The following SYT1 variants were observed in gnomAD, a reference collection of about 807,000 sequenced individuals.
The protein encoded by SYT1 is synaptotagmin 1.
A neutral mutation model predicts 44.8 loss-of-function variants in SYT1; 8 were observed. The ratio of observed to expected loss-of-function variants is 0.18; its 90% CI spans 0.10 to 0.32. The LOEUF is 0.32. SYT1 is among the 10% of genes least tolerant of loss of function. The pLI, the probability that SYT1 is intolerant of heterozygous loss-of-function variation, is 1.00. For missense variants in SYT1, 286 were observed against 509.3 expected (o/e 0.56, Z 4.22); for synonymous variants, 154 against 188.8 (o/e 0.82, Z 1.51).
At chr12:78,931,236 AAAGAAGGAAGGAAGG>A (rs1565723462) in intron 1 of SYT1, among the ~76,000 whole-genome samples, 10 of 58,698 alleles carry the variant, frequency 1.7e-4, no homozygotes, top group African/African-American at 6.1e-4. Flanking sequence ...AGAAAGAAAG[AAAGAAGGAAGGAAGG>A]AAGGAAGGAA....
chr12:79,297,437 T>G (rs1879928957), intron 7 of SYT1, among the ~76,000 whole-genome samples: 1 of 152,166 alleles, frequency 6.6e-6, no homozygotes, highest in South Asian at 2.1e-4. Context: ...TAACCTTAAC[T>G]TAGGTCAGCA....
At chr12:79,134,698 C>A (rs564824520) in intron 3 of SYT1, among the ~76,000 whole-genome samples, 1 of 151,962 alleles carries the variant, frequency 6.6e-6, no homozygotes, top group Admixed American at 6.6e-5. Context: ...CTAAGCTTAC[C>A]TCAGACACTA....
At chr12:79,284,469 G>A (rs1879204059) in intron 4 of SYT1, among the ~76,000 whole-genome samples, 1 of 151,990 alleles carries the variant, frequency 6.6e-6, no homozygotes, top group Non-Finnish European at 1.5e-5. Flanking sequence ...GTATTTACTT[G>A]TGTGAGTAGT....
chr12:79,330,249 T>A (rs1480452429), intron 8 of SYT1, among the ~76,000 whole-genome samples: 1 of 152,180 alleles, frequency 6.6e-6, no homozygotes, highest in Non-Finnish European at 1.5e-5. Flanking sequence ...CAGGAAGACA[T>A]GAAAGCAATT....
intron 3 of SYT1, among the ~76,000 whole-genome samples, chr12:79,058,225 A>T (rs2137828341): frequency 6.6e-6 from 1 of 152,192 alleles, no homozygotes; most frequent in Admixed American, 6.6e-5. Flanking sequence ...TATAAGATGG[A>T]TATTTATCGA....
At chr12:78,990,307 T>C (rs1869931763) in intron 2 of SYT1, among the ~76,000 whole-genome samples, 1 of 152,178 alleles carries the variant, frequency 6.6e-6, no homozygotes, top group Admixed American at 6.5e-5. Flanking sequence ...CCTCAAAAAG[T>C]TCATAATTTC....
chr12:78,994,621 C>G (rs1404838905), intron 2 of SYT1, among the ~76,000 whole-genome samples: 1 of 150,392 alleles, frequency 6.6e-6, no homozygotes, highest in African/African-American at 2.4e-5. Context: ...CTGCAACCTC[C>G]ACCCTCTGAG....
intron 9 of SYT1, among the ~76,000 whole-genome samples, chr12:79,369,471 A>AAAAAG (rs1883694366): frequency 6.6e-6 from 1 of 152,226 alleles, no homozygotes; most frequent in Non-Finnish European, 1.5e-5. Context: ...ACTCTGCCTC[A>AAAAAG]AAAAGAAAAG....
chr12:79,408,753 A>T (rs781501755), intron 9 of SYT1, among the ~76,000 whole-genome samples: 39 of 145,284 alleles, frequency 2.7e-4, no homozygotes, highest in Non-Finnish European at 4.1e-4. Flanking sequence ...TCCAAGTAAT[A>T]TGGTCAGAAG....
chr12:79,294,577 A>G lies in SYT1; in HGVS notation c.475-1492A>G, dbSNP rs549832817. On this transcript the variant is annotated intron_variant, in intron 6 of 10. Transcript: ENST00000261205. ...AAAAGTAACCTCATTCTTTATTAAC[A>G]AAATATCCAAAAACTCTAAATTATA... Among the ~76,000 whole-genome samples the G allele has an allele frequency of 9.8e-5, 15 of 152,290 alleles. 1 individual carries two copies. Among genetic ancestry groups the G allele is most frequent in the African/African-American group, 3.4e-4 (14 of 41,578 alleles).
At chr12:79,284,097 C>CT (rs11315632) in intron 4 of SYT1, among the ~76,000 whole-genome samples, 70 of 149,406 alleles carry the variant, frequency 4.7e-4, no homozygotes, top group African/African-American at 9.3e-4. Flanking sequence ...TGCCCAGTAT[C>CT]TTTTTTTTTT....
chr12:78,942,012 T>C (rs1878403336), intron 1 of SYT1, among the ~76,000 whole-genome samples: 1 of 152,212 alleles, frequency 6.6e-6, no homozygotes. Flanking sequence ...TGGCTTACTA[T>C]TTTCCTTTTG....
At chr12:79,369,318 C>A (rs1883687740) in intron 9 of SYT1, among the ~76,000 whole-genome samples, 1 of 151,924 alleles carries the variant, frequency 6.6e-6, no homozygotes, top group Non-Finnish European at 1.5e-5. Context: ...CCTGTCTCTA[C>A]AAAAATTATT....
chr12:79,359,640 G>T (rs1204243197), intron 9 of SYT1, among the ~76,000 whole-genome samples: 2 of 152,060 alleles, frequency 1.3e-5, no homozygotes, highest in African/African-American at 2.4e-5. Context: ...CCAGTGTGTG[G>T]ATTAGCTACT....
chr12:79,331,425 C>G (rs1480903166), intron 8 of SYT1, among the ~76,000 whole-genome samples: 1 of 152,130 alleles, frequency 6.6e-6, no homozygotes, highest in East Asian at 1.9e-4. Context: ...TGTGCATATA[C>G]TCTTTTCAGC....
chr12:79,256,877 G>C (rs528877478), intron 4 of SYT1, among the ~76,000 whole-genome samples: 2 of 152,086 alleles, frequency 1.3e-5, no homozygotes, highest in Non-Finnish European at 2.9e-5. Context: ...TATATTTTAC[G>C]CAGGGTATAC....
intron 3 of SYT1, among the ~76,000 whole-genome samples, chr12:79,150,133 AT>A (rs1474205506): frequency 1.3e-5 from 2 of 152,190 alleles, no homozygotes; most frequent in Admixed American, 6.5e-5. Flanking sequence ...CCATCAGTTC[AT>A]ATTCTAGTGT....
At chr12:79,224,800 A>T (rs963407290) in intron 4 of SYT1, among the ~76,000 whole-genome samples, 1 of 146,750 alleles carries the variant, frequency 6.8e-6, no homozygotes, top group East Asian at 2.0e-4. Flanking sequence ...ATTATTAGAG[A>T]CAGAGTTTCA....
At chr12:79,018,272 C>G (rs1322822415) in intron 2 of SYT1, among the ~76,000 whole-genome samples, 2 of 147,696 alleles carry the variant, frequency 1.4e-5, no homozygotes, top group Non-Finnish European at 3.0e-5. Flanking sequence ...CATGTTCTCA[C>G]TCATAGGTGG....
Sources: allele counts gnomAD v4.1 joint callset (sites outside exome capture counted in the v4.1 genomes callset), GRCh38; gene constraint gnomAD v4.1.1; transcripts MANE v1.5; gene names NCBI Gene and HGNC (gene_info 2026-07-23, HGNC 2026-07-21).